The following ZDHHC20 variants were observed in gnomAD, a reference collection of about 807,000 sequenced individuals.
The protein encoded by ZDHHC20 is palmitoyltransferase ZDHHC20.
ZDHHC20 carries 43 observed loss-of-function variants against 57.8 expected under a neutral mutation model. The ratio of observed to expected loss-of-function variants is 0.74; its 90% CI spans 0.58 to 0.96. The LOEUF (loss-of-function observed/expected upper bound fraction) is 0.96, where lower values mean the gene tolerates loss of function less well. Among genes scored for constraint, ZDHHC20 ranks in the 40% least tolerant of loss-of-function variants. ZDHHC20 has a pLI of 0.00. For missense variants in ZDHHC20, 391 were observed against 441.1 expected, an observed-to-expected ratio of 0.89 and a Z score of 1.02; for synonymous variants, 157 against 153.0, an observed-to-expected ratio of 1.03 and a Z score of -0.19.
intron 3 of ZDHHC20, among the ~76,000 whole-genome samples, chr13:21,419,477 C>T (rs1303181929): frequency 1.3e-5 from 2 of 152,164 alleles, no homozygotes; most frequent in Non-Finnish European, 2.9e-5. Flanking sequence ...CAACAGTAGA[C>T]CGAGTAAACA....
chr13:21,400,342 T>C, intron 7 of ZDHHC20, 31 bp downstream of exon 7: 1 of 1,549,380 alleles, frequency 6.5e-7, no homozygotes, highest in Non-Finnish European at 8.7e-7. Context: ...AAGTCTTAAA[T>C]ACATGTTTCA....
chr13:21,394,713 C>T (rs1350296959), intron 7 of ZDHHC20, among the ~76,000 whole-genome samples: 1 of 152,152 alleles, frequency 6.6e-6, no homozygotes, highest in Non-Finnish European at 1.5e-5. Context: ...ATTTAGATTT[C>T]ATCTATCTGG....
chr13:21,380,501 A>G (rs1041205770), intron 11 of ZDHHC20, among the ~76,000 whole-genome samples: 2 of 151,848 alleles, frequency 1.3e-5, no homozygotes, highest in African/African-American at 4.8e-5. Flanking sequence ...ACCCTAAAGA[A>G]TAACACTGCT....
intron 7 of ZDHHC20, 84 bp downstream of exon 7, chr13:21,400,289 T>C (rs909161849): frequency 2.3e-6 from 3 of 1,299,940 alleles, no homozygotes; most frequent in Non-Finnish European, 3.1e-6. Context: ...TATATCTACT[T>C]GTCATAAAAA....
chr13:21,440,638 G>T (rs1026701744), intron 1 of ZDHHC20, among the ~76,000 whole-genome samples: 2 of 110,628 alleles, frequency 1.8e-5, no homozygotes, highest in Non-Finnish European at 4.8e-5. Context: ...AAGTGTGTGT[G>T]TGTGTGTGTG....
Position 21,378,753 on chromosome 13 carries a change from T to TTA in ZDHHC20, c.1061-17_1061-16dup, listed in dbSNP as rs1220114412. 3.0e-6 allele frequency: 4 copies of TTA among 1,335,262 alleles called. No individual in the cohort carries two copies. The highest frequency in any genetic ancestry group is 4.0e-6 in the Non-Finnish European group (4 of 1,011,438). 82.7% of individuals were successfully genotyped at this position (1,335,262 alleles called of 1,614,324 possible). On this transcript the variant is annotated splice_polypyrimidine_tract_variant and intron_variant, in intron 11 of 12. Coordinates refer to ENST00000400590, the MANE Select transcript of ZDHHC20 (RefSeq NM_001330059.2). ...GTTATTTGTCCCTGTAAGCATATAA[T>TTA]TATATATGACATGACAAAAAAAAAA...
In ZDHHC20 at chr13:21,375,298, T is replaced by C; in HGVS notation, c.*1398A>G. 2.5e-6 allele frequency: 1 copy of C among 392,272 alleles called. No homozygotes were observed. Among genetic ancestry groups the C allele is most frequent in the South Asian group, 1.9e-5 (1 of 52,280 alleles). The allele number at this position is 392,272 out of a possible 1,614,324, so 24.3% of individuals were successfully genotyped here. Reference sequence around the variant, plus strand: ...AACCTGTAGTACTCACAGATGCTGCTGAGATTCATCTCCACCCACTCACTG... The same window carrying C: ...AACCTGTAGTACTCACAGATGCTGCCGAGATTCATCTCCACCCACTCACTG... On this transcript the variant is annotated 3_prime_UTR_variant, in exon 13 of 13. Coordinates refer to ENST00000400590, the MANE Select transcript of ZDHHC20 (RefSeq NM_001330059.2).
intron 2 of ZDHHC20, among the ~76,000 whole-genome samples, chr13:21,425,269 CCAT>C (rs1165019957): frequency 6.6e-6 from 1 of 151,900 alleles, no homozygotes. Flanking sequence ...TAAACGAGAA[CCAT>C]CAATAAAATT....
rs934223751 is a variant in ZDHHC20 at position 21,401,802 on chromosome 13, C to T, written c.441-117G>A. 3 of 877,018 alleles carry T rather than the reference C, an allele frequency of 3.4e-6. No homozygotes were observed. In the African/African-American group the frequency reaches 5.2e-5, roughly 15 times the overall value. 54.3% of individuals were successfully genotyped at this position (877,018 alleles called of 1,614,324 possible). On this transcript the variant is annotated intron_variant, in intron 5 of 12. Transcript: ENST00000400590. ...CTTTACAACTACATCTTAAGAGAAT[C>T]AACCCAGAAACTAGGTTAGAGATAA...
At chr13:21,391,198 C>T (rs1248335882) in intron 8 of ZDHHC20, among the ~76,000 whole-genome samples, 1 of 152,126 alleles carries the variant, frequency 6.6e-6, no homozygotes, top group Non-Finnish European at 1.5e-5. Context: ...AACTCCTGCA[C>T]TCAAGTAATC....
intron 4 of ZDHHC20, among the ~76,000 whole-genome samples, chr13:21,411,541 T>C (rs1243643034): frequency 6.6e-6 from 1 of 152,178 alleles, no homozygotes; most frequent in Non-Finnish European, 1.5e-5. Context: ...ACATCAGGAA[T>C]GAGTATCTTC....
intron 1 of ZDHHC20, among the ~76,000 whole-genome samples, chr13:21,452,324 T>C (rs970649910): frequency 6.6e-6 from 1 of 152,226 alleles, no homozygotes; most frequent in Admixed American, 6.5e-5. Flanking sequence ...GCATTGTACA[T>C]CTTAAATTAG....
At position 21,421,047 on chromosome 13, in the gene ZDHHC20, A is replaced by G; in HGVS notation, c.249+14T>C. The G allele has an allele frequency of 6.3e-7, 1 of 1,592,706 alleles. No homozygotes were observed. The highest frequency in any genetic ancestry group is 8.6e-7 in the Non-Finnish European group (1 of 1,162,458). On this transcript the variant is annotated intron_variant, in intron 3 of 12. Transcript: ENST00000400590. ...CAGTTAAAACATTTGGTAATTTACCAACATTAAATTTACCTCTTTGGAGGG... is the reference window on the plus strand; with the variant it reads ...CAGTTAAAACATTTGGTAATTTACCGACATTAAATTTACCTCTTTGGAGGG...
Position 21,400,466 on chromosome 13 carries a change from A to G in ZDHHC20, c.501T>C (p.Asn167=), listed in dbSNP as rs527301738. ...PWVNNCVGFS[N]YKFFLLFLLY... ...ATAAAAACAGCAGGAAGAATTTGTA[A>G]TTAGAAAATCCCACACAGTTATTCA... The change falls in exon 7 of 13, where the codon AAT becomes AAC. Residue 167 remains asparagine, a synonymous_variant. Transcript: ENST00000400590. The G allele has an allele frequency of 9.5e-6, 15 of 1,574,480 alleles. No individual in the cohort carries two copies. The highest frequency in any genetic ancestry group is 3.8e-5 in the Admixed American group (2 of 53,224).
At chr13:21,391,678 T>C in intron 8 of ZDHHC20, 44 bp downstream of exon 8, 1 of 1,544,752 alleles carries the variant, frequency 6.5e-7, no homozygotes, top group Non-Finnish European at 8.8e-7. Context: ...TATTTATTTA[T>C]GGTCATTGTC....
chr13:21,446,010 T>C (rs1019786549), intron 1 of ZDHHC20, among the ~76,000 whole-genome samples: 3 of 152,156 alleles, frequency 2.0e-5, no homozygotes, highest in Non-Finnish European at 2.9e-5. Flanking sequence ...TCAGGTGGCC[T>C]GACAGATGAA....
intron 7 of ZDHHC20, 78 bp downstream of exon 7, chr13:21,400,294 TA>T: frequency 7.4e-7 from 1 of 1,353,476 alleles, no homozygotes; most frequent in Non-Finnish European, 9.9e-7. Flanking sequence ...CTACTTGTCA[TA>T]AAAAATAAAG....
At chr13:21,435,272 G>T (rs1356248331) in intron 1 of ZDHHC20, among the ~76,000 whole-genome samples, 2 of 151,840 alleles carry the variant, frequency 1.3e-5, no homozygotes, top group Non-Finnish European at 2.9e-5. Flanking sequence ...ATTCTGAGAT[G>T]TTAGAGGCTT....
intron 1 of ZDHHC20, among the ~76,000 whole-genome samples, chr13:21,439,744 T>C (rs2137997149): frequency 6.6e-6 from 1 of 152,178 alleles, no homozygotes; most frequent in South Asian, 2.1e-4. Context: ...TACTAATTTA[T>C]TGATTTTAAT....
Sources: gnomAD v4.1 joint callset for allele counts (sites outside exome capture counted in the v4.1 genomes callset) on GRCh38, gnomAD v4.1.1 for gene constraint, MANE v1.5 for transcripts, NCBI Gene and HGNC (gene_info 2026-07-23, HGNC 2026-07-21) for gene names.